The following KATNIP variants were observed in gnomAD, a reference collection of about 807,000 sequenced individuals.
KATNIP encodes katanin-interacting protein.
A neutral mutation model predicts 174.0 loss-of-function variants in KATNIP; 126 were observed. The ratio of observed to expected loss-of-function variants is 0.72; its 90% CI spans 0.63 to 0.84. The LOEUF (loss-of-function observed/expected upper bound fraction) is 0.84. Ranked by LOEUF, KATNIP falls within the 40% of genes least tolerant of loss-of-function variation. KATNIP has a pLI of 0.00. For missense variants in KATNIP, 1,958 were observed against 2,109.7 expected (o/e 0.93, Z 1.41); for synonymous variants, 810 against 835.7 (o/e 0.97, Z 0.53).
intron 18 of KATNIP, chr16:27,757,405 G>T: frequency 1.5e-6 from 1 of 676,788 alleles, no homozygotes; most frequent in East Asian, 1.4e-4. Flanking sequence ...TCTCCAGAGC[G>T]GGTCAGAGTG....
intron 6 of KATNIP, among the ~76,000 whole-genome samples, chr16:27,667,553 C>T (rs1435960755): frequency 6.6e-6 from 1 of 151,988 alleles, no homozygotes; most frequent in African/African-American, 2.4e-5. Context: ...AAATGAGAGA[C>T]ATTATTGGGG....
intron 1 of KATNIP, among the ~76,000 whole-genome samples, chr16:27,568,942 T>G (rs937681962): frequency 2.0e-5 from 3 of 152,002 alleles, no homozygotes; most frequent in Admixed American, 6.6e-5. Flanking sequence ...GGCTCTTACC[T>G]CCACCCCCAC....
chr16:27,743,457 G>T lies in KATNIP; in HGVS notation c.2623+2537G>T, dbSNP rs190918152. On this transcript the variant is annotated intron_variant, in intron 15 of 27. Coordinates refer to ENST00000261588, the MANE Select transcript of KATNIP (RefSeq NM_015202.5). ...TGATTCCCCAGCCTTACAAATTTTT[G>T]CTGCTCACCCCTTCTGAGACTTAAC... 1.1e-3 allele frequency among the ~76,000 whole-genome samples: 167 copies of T among 152,202 alleles called. 1 individual carries two copies. Among genetic ancestry groups the T allele is most frequent in the African/African-American group, 3.9e-3 (162 of 41,524 alleles).
At chr16:27,575,221 A>T (rs2157989) in intron 2 of KATNIP, among the ~76,000 whole-genome samples, 1 of 152,218 alleles carries the variant, frequency 6.6e-6, no homozygotes, top group African/African-American at 2.4e-5. Flanking sequence ...AGAAAAGGTG[A>T]TGTGCAGGCT....
intron 12 of KATNIP, among the ~76,000 whole-genome samples, chr16:27,706,476 A>G (rs1214730153): frequency 6.6e-6 from 1 of 152,180 alleles, no homozygotes; most frequent in Non-Finnish European, 1.5e-5. Flanking sequence ...TCCCCCAAGG[A>G]AAATCAAGTG....
chr16:27,642,115 T>G (rs1344202662), intron 5 of KATNIP, among the ~76,000 whole-genome samples: 1 of 152,218 alleles, frequency 6.6e-6, no homozygotes, highest in Non-Finnish European at 1.5e-5. Context: ...TAGCAAAGAC[T>G]TGGGACCAAC....
chr16:27,655,841 G>A (rs959894810), intron 6 of KATNIP, among the ~76,000 whole-genome samples: 1 of 152,130 alleles, frequency 6.6e-6, no homozygotes, highest in Admixed American at 6.5e-5. Flanking sequence ...CACAGGCGGG[G>A]AATATTGCAC....
chr16:27,669,029 G>A (rs1343221269), intron 6 of KATNIP, among the ~76,000 whole-genome samples: 1 of 152,040 alleles, frequency 6.6e-6, no homozygotes, highest in East Asian at 1.9e-4. Flanking sequence ...AAAAAGAAAT[G>A]AGATAAGGTA....
Position 27,776,747 on chromosome 16 carries a change from C to T in KATNIP, c.4450-181C>T, listed in dbSNP as rs537855543. On this transcript the variant is annotated intron_variant, in intron 24 of 27. Coordinates refer to ENST00000261588, the MANE Select transcript of KATNIP (RefSeq NM_015202.5). This position sits in a 1 kb window ranked among gnomAD's most constrained non-coding sequence, Gnocchi z 4.7. ...GCGGTTTGTTGCAAATGCAGCCACACGTGACCTGACTCAAGATGGGCTTCG... is the reference window on the plus strand; with the variant it reads ...GCGGTTTGTTGCAAATGCAGCCACATGTGACCTGACTCAAGATGGGCTTCG... 8 of 603,766 alleles carry T rather than the reference C, an allele frequency of 1.3e-5. No individual in the cohort carries two copies. Among genetic ancestry groups the T allele is most frequent in the African/African-American group, 3.7e-5 (2 of 54,004 alleles). The allele number at this position is 603,766 out of a possible 1,614,324, so 37.4% of individuals were successfully genotyped here.
rs189258148 is a variant in KATNIP, at chr16:27,703,263, T to C, written c.1287-633T>C. Reference sequence around the variant, plus strand: ...AAGCAGCATGCACTCCGCCAAATGCTTGGTTCCTCGGCATCGAGATCCTTT... The same window carrying C: ...AAGCAGCATGCACTCCGCCAAATGCCTGGTTCCTCGGCATCGAGATCCTTT... On this transcript the variant is annotated intron_variant, in intron 11 of 27. Coordinates refer to ENST00000261588, the MANE Select transcript of KATNIP (RefSeq NM_015202.5). 2.1e-3 allele frequency among the ~76,000 whole-genome samples: 317 copies of C among 152,210 alleles called. 1 individual carries two copies. Among genetic ancestry groups the C allele is most frequent in the African/African-American group, 7.3e-3 (303 of 41,538 alleles).
intron 13 of KATNIP, among the ~76,000 whole-genome samples, chr16:27,716,652 T>C (rs2079953490): frequency 1.3e-5 from 2 of 152,164 alleles, no homozygotes; most frequent in African/African-American, 4.8e-5. Flanking sequence ...TTATCACATA[T>C]GTAGATTTCT....
chr16:27,741,044 AG>A, intron 15 of KATNIP, 124 bp downstream of exon 15: 1 of 1,023,520 alleles, frequency 9.8e-7, no homozygotes, highest in Non-Finnish European at 1.4e-6. Context: ...TTCTCAACTA[AG>A]GGTCACAAAA....
At chr16:27,746,875 G>T (rs1160723980) in intron 15 of KATNIP, among the ~76,000 whole-genome samples, 2 of 152,214 alleles carry the variant, frequency 1.3e-5, no homozygotes, top group East Asian at 3.8e-4. Flanking sequence ...GAGTCAGGTT[G>T]TCTTGATTCT....
chr16:27,740,031 A>G lies in KATNIP; in HGVS notation c.1744-10A>G. ...ATGCATCTTCACTTTGTTAAATCTTATGGTTTCAGGATCTTGACATTGGTG... is the reference window on the plus strand; with the variant it reads ...ATGCATCTTCACTTTGTTAAATCTTGTGGTTTCAGGATCTTGACATTGGTG... On this transcript the variant is annotated splice_polypyrimidine_tract_variant and intron_variant, in intron 14 of 27. Coordinates refer to ENST00000261588, the MANE Select transcript of KATNIP (RefSeq NM_015202.5). 2.5e-6 allele frequency: 4 copies of G among 1,602,544 alleles called. No homozygotes were observed. The highest frequency in any genetic ancestry group is 3.4e-6 in the Non-Finnish European group (4 of 1,173,054).
intron 3 of KATNIP, among the ~76,000 whole-genome samples, chr16:27,623,747 A>G (rs1167672480): frequency 2.6e-5 from 4 of 152,110 alleles, no homozygotes; most frequent in African/African-American, 9.7e-5. Context: ...ACCTGAGATG[A>G]CCGAGATCTG....
Position 27,689,940 on chromosome 16 carries a change from A to G in KATNIP, c.941-8388A>G, listed in dbSNP as rs2078655966. On this transcript the variant is annotated intron_variant, in intron 8 of 27. Coordinates refer to ENST00000261588, the MANE Select transcript of KATNIP (RefSeq NM_015202.5). ...TGATTTCAGGGCAGCAAGAGAGGACAAGCCCATGCCTGGGTGCTTTTTAAA... is the reference window on the plus strand; with the variant it reads ...TGATTTCAGGGCAGCAAGAGAGGACGAGCCCATGCCTGGGTGCTTTTTAAA... Among the ~76,000 whole-genome samples, 3 of 152,188 alleles carry G rather than the reference A, an allele frequency of 2.0e-5. No individual in the cohort carries two copies. In the South Asian group the frequency reaches 6.2e-4, roughly 31 times the overall value.
At chr16:27,732,559 G>A (rs2080734866) in intron 14 of KATNIP, among the ~76,000 whole-genome samples, 1 of 152,176 alleles carries the variant, frequency 6.6e-6, no homozygotes, top group Admixed American at 6.5e-5. Flanking sequence ...CAGGTTGCAA[G>A]CCCAACCCCG....
At chr16:27,768,567 G>A (rs2082195084) in intron 20 of KATNIP, among the ~76,000 whole-genome samples, 1 of 152,142 alleles carries the variant, frequency 6.6e-6, no homozygotes, top group African/African-American at 2.4e-5. Flanking sequence ...CCCCTTTCCA[G>A]GCAAGCCAGC....
At chr16:27,558,784 G>A (rs370018716) in intron 1 of KATNIP, among the ~76,000 whole-genome samples, 67 of 152,304 alleles carry the variant, frequency 4.4e-4, no homozygotes, top group Admixed American at 2.0e-3. Flanking sequence ...GACTGTTGCC[G>A]TGGCAGATCT....
Sources: gnomAD v4.1 joint callset for allele counts (sites outside exome capture counted in the v4.1 genomes callset) on GRCh38, gnomAD v4.1.1 for gene constraint, Gnocchi (gnomAD v3.1) non-coding constraint, MANE v1.5 for transcripts, NCBI Gene and HGNC (gene_info 2026-07-23, HGNC 2026-07-21) for gene names.